The following ZNF557 variants were observed in gnomAD, a reference collection of about 807,000 sequenced individuals.
ZNF557 encodes CTB-25J19.9.
In ZNF557, 19 loss-of-function variants were observed where a neutral mutation model predicts 21.2. That is an observed-to-expected ratio of 0.90 (90% CI 0.63 to 1.32). The LOEUF (loss-of-function observed/expected upper bound fraction) is 1.32, where lower values mean the gene tolerates loss of function less well. ZNF557 is among the 40% of genes most tolerant of loss of function. The pLI, the probability that ZNF557 is intolerant of heterozygous loss-of-function variation, is 0.00. For missense variants in ZNF557, 487 were observed against 519.8 expected, an observed-to-expected ratio of 0.94 and a Z score of 0.61; for synonymous variants, 207 against 194.8, an observed-to-expected ratio of 1.06 and a Z score of -0.52.
chr19:7,078,606 A>AT (rs35573886), intron 5 of ZNF557, among the ~76,000 whole-genome samples: 1 of 151,832 alleles, frequency 6.6e-6, no homozygotes, highest in Non-Finnish European at 1.5e-5. Context: ...TAATTTTTGT[A>AT]TTTTTAGTAG....
chr19:7,074,949 G>C (rs1204847536), intron 2 of ZNF557, 47 bp from the exon 3 acceptor site: 2 of 1,519,202 alleles, frequency 1.3e-6, no homozygotes, highest in East Asian at 4.6e-5. Flanking sequence ...GCAGGGCACG[G>C]GCTGGAGGGG....
chr19:7,083,160 G>A lies in ZNF557; in HGVS notation c.709G>A (p.Glu237Lys), dbSNP rs371242209. 5.8e-5 allele frequency: 94 copies of A among 1,613,930 alleles called. No homozygotes were observed. Among genetic ancestry groups the A allele is most frequent in the Non-Finnish European group, 7.4e-5 (87 of 1,179,990 alleles). ...AATCCACAATGGGGAGAAACCCTAC[G>A]AATGCAGTGACTGTGGGAAAACCTT... The part of the protein sequence containing the change: ...KRIHNGEKPY[E>K]CSDCGKTFSN... The change falls in exon 8 of 8, where the codon GAA (glutamate) becomes AAA (lysine). Residue 237 changes from glutamate to lysine, a missense_variant. Physicochemically the swap from Glu to Lys is moderately conservative, Grantham distance 56. Transcript: ENST00000252840.
chr19:7,079,533 C>G (rs1977659805), intron 5 of ZNF557, among the ~76,000 whole-genome samples: 1 of 152,096 alleles, frequency 6.6e-6, no homozygotes, highest in South Asian at 2.1e-4. Flanking sequence ...AGCCACCGCG[C>G]CCGGCCCATT....
In ZNF557 at chr19:7,087,225, T is replaced by TG. The variant is rs1977878153; in HGVS notation, c.*3481_*3482insG. ...AGCTTTTTTTTTTTTTTTTTTTTTT[T>TG]TCTTCACTGTGGTGATAAAAACCAC... On this transcript the variant is annotated 3_prime_UTR_variant, in exon 8 of 8. Transcript: ENST00000252840. The TG allele has an allele frequency of 1.2e-5, 1 of 83,090 alleles. No individual in the cohort carries two copies. Among genetic ancestry groups the TG allele is most frequent in the Non-Finnish European group, 2.7e-5 (1 of 36,870 alleles). 5.1% of individuals were successfully genotyped at this position (83,090 alleles called of 1,614,324 possible).
Position 7,084,048 on chromosome 19 carries a change from T to G in ZNF557, c.*304T>G. On this transcript the variant is annotated 3_prime_UTR_variant, in exon 8 of 8. Coordinates refer to ENST00000252840, the MANE Select transcript of ZNF557 (RefSeq NM_024341.3). The stretch of plus-strand genomic sequence containing the variant: ...CCAAATGGCTTACAAGCCCGACAAG[T>G]GCATGCTAGCTGTTTCCAAGGGAGC... 3.3e-6 allele frequency: 1 copy of G among 305,626 alleles called. No individual in the cohort carries two copies. The highest frequency in any genetic ancestry group is 6.2e-6 in the Non-Finnish European group (1 of 162,582). The allele number at this position is 305,626 out of a possible 1,614,324, so 18.9% of individuals were successfully genotyped here. A position where few individuals can be genotyped will look rare whatever the true frequency, so the allele number is the denominator to read the frequency against.
chr19:7,071,988 C>T (rs1389646617), intron 2 of ZNF557, among the ~76,000 whole-genome samples: 2 of 150,616 alleles, frequency 1.3e-5, no homozygotes, highest in Non-Finnish European at 1.5e-5. Context: ...TGGTGGCAGG[C>T]GCCTGTAGTC....
intron 5 of ZNF557, among the ~76,000 whole-genome samples, chr19:7,079,052 T>C (rs1042881869): frequency 7.9e-5 from 12 of 152,196 alleles, no homozygotes; most frequent in African/African-American, 2.9e-4. Flanking sequence ...TGATTTTCTC[T>C]ATTTGGTGAG....
In ZNF557 at chr19:7,078,007, T is replaced by G. The variant is rs553994959; in HGVS notation, c.247+1500T>G. Among the ~76,000 whole-genome samples, 5 of 152,318 alleles carry G rather than the reference T, an allele frequency of 3.3e-5. No individual in the cohort carries two copies. In the South Asian group the frequency reaches 1.0e-3, roughly 32 times the overall value. On this transcript the variant is annotated intron_variant, in intron 5 of 7. Transcript: ENST00000252840. ...CATTTGGGGGGCATTGTTTGCCTTT[T>G]CGTTATTGAGTTGTAAGAGTTCTTT...
rs1977850642 is a variant in ZNF557 at position 7,086,471 on chromosome 19, C to G, written c.*2727C>G. On this transcript the variant is annotated 3_prime_UTR_variant, in exon 8 of 8. Coordinates refer to ENST00000252840, the MANE Select transcript of ZNF557 (RefSeq NM_024341.3). ...CTGCCTCCCAGATTCACGCCATCCT[C>G]CTGCCTCAGCCTCCCGAGTAGCTGG... is the stretch of plus-strand genomic sequence containing the variant. The G allele has an allele frequency of 6.7e-6, 1 of 148,892 alleles. No homozygotes were observed. Among genetic ancestry groups the G allele is most frequent in the South Asian group, 2.1e-4 (1 of 4,678 alleles). 9.2% of individuals were successfully genotyped at this position (148,892 alleles called of 1,614,324 possible). A position where few individuals can be genotyped will look rare whatever the true frequency, so the allele number is the denominator to read the frequency against.
In ZNF557 at chr19:7,083,699, CTCCT is replaced by C; in HGVS notation, c.1249_1252del (p.Ser417ThrfsTer24). 1 of 1,613,570 alleles carries C rather than the reference CTCCT, an allele frequency of 6.2e-7. No homozygotes were observed. Among genetic ancestry groups the C allele is most frequent in the Non-Finnish European group, 8.5e-7 (1 of 1,179,738 alleles). On this transcript the variant is annotated frameshift_variant, in exon 8 of 8. Coordinates refer to ENST00000252840, the MANE Select transcript of ZNF557 (RefSeq NM_024341.3). LOFTEE classifies it low-confidence loss of function (END_TRUNC). ...ATTGCGGGAAATCCTTCACAAGTAA[CTCCT>C]ACCTTTCTGTGCATACGAGAATGCA... is the stretch of plus-strand genomic sequence containing the variant.
intron 5 of ZNF557, among the ~76,000 whole-genome samples, 198 bp from the exon 6 acceptor site, chr19:7,081,155 GTGTGTGT>G (rs1568409351): frequency 1.1e-3 from 13 of 11,448 alleles, no homozygotes; most frequent in Non-Finnish European, 2.2e-3. Context: ...TGTGGGGTGT[GTGTGTGT>G]GTGTGTGTGT....
chr19:7,073,943 A>G (rs1290656128), intron 2 of ZNF557, among the ~76,000 whole-genome samples: 1 of 151,458 alleles, frequency 6.6e-6, no homozygotes, highest in Non-Finnish European at 1.5e-5. Flanking sequence ...ACAAGTCTCT[A>G]ACTGCAGACA....
At chr19:7,074,198 G>C (rs1977522729) in intron 2 of ZNF557, among the ~76,000 whole-genome samples, 1 of 151,714 alleles carries the variant, frequency 6.6e-6, no homozygotes, top group Non-Finnish European at 1.5e-5. Flanking sequence ...AGTAGAGATG[G>C]GGTTTCACCA....
chr19:7,076,083 C>T (rs1442891935), intron 4 of ZNF557, among the ~76,000 whole-genome samples: 2 of 152,156 alleles, frequency 1.3e-5, no homozygotes, highest in African/African-American at 4.8e-5. Flanking sequence ...TGTCACGGGC[C>T]CATGATCCCC....
chr19:7,075,513 G>GGATTGCTGTGGGTTGGTGTTTC lies in ZNF557; in HGVS notation c.32-142_32-141insGATTGCTGTGGGTTGGTGTTTC, dbSNP rs1977566826. On this transcript the variant is annotated intron_variant, in intron 3 of 7. Coordinates refer to ENST00000252840, the MANE Select transcript of ZNF557 (RefSeq NM_024341.3). ...CTTGGATTGCTGTGGGTTGGTGTTT[G>GGATTGCTGTGGGTTGGTGTTTC]CTTGGAGTAGAGGTGGATGCTTTGT... is the stretch of plus-strand genomic sequence containing the variant. 1.1e-5 allele frequency: 9 copies of GGATTGCTGTGGGTTGGTGTTTC among 785,456 alleles called. 2 individuals carry two copies. Among genetic ancestry groups the GGATTGCTGTGGGTTGGTGTTTC allele is most frequent in the Non-Finnish European group, 1.8e-5 (9 of 498,838 alleles). The allele number at this position is 785,456 out of a possible 1,614,324, so 48.7% of individuals were successfully genotyped here.
chr19:7,081,989 A>G lies in ZNF557; in HGVS notation c.363A>G (p.Lys121=). The G allele has an allele frequency of 6.2e-7, 1 of 1,613,934 alleles. No homozygotes were observed. Among genetic ancestry groups the G allele is most frequent in the South Asian group, 1.1e-5 (1 of 91,076 alleles). The change falls in exon 7 of 8, where the codon AAA becomes AAG. Residue 121 remains lysine, a synonymous_variant. Transcript: ENST00000252840. ...TTTCAGATGTGGAGAATCCATTTAA[A>G]GCCAAAGGGTTAACTCCTAAGCTGC... ...GTCPDVENPF[K]AKGLTPKLHV...
At chr19:7,071,479 G>A (rs1335512564) in intron 2 of ZNF557, among the ~76,000 whole-genome samples, 1 of 152,186 alleles carries the variant, frequency 6.6e-6, no homozygotes, top group Non-Finnish European at 1.5e-5. Context: ...AGAAAGCCCT[G>A]CTGGGCGGCA....
Position 7,083,581 on chromosome 19 carries a change from A to G in ZNF557, c.1130A>G (p.Glu377Gly), listed in dbSNP as rs1290396201. The change falls in exon 8 of 8, where the codon GAG (glutamate) becomes GGG (glycine). Residue 377 changes from glutamate (E) to glycine (G), a missense_variant. Coordinates refer to ENST00000252840, the MANE Select transcript of ZNF557 (RefSeq NM_024341.3). Reference sequence around the variant, plus strand: ...ATACATAATGGAGAGAAATCCTATGAGTGCAGTGATTGTGGAAAATCCTTT... The same window carrying G: ...ATACATAATGGAGAGAAATCCTATGGGTGCAGTGATTGTGGAAAATCCTTT... The part of the protein sequence containing the change: ...RRIHNGEKSY[E>G]CSDCGKSFNV... The G allele has an allele frequency of 6.2e-7, 1 of 1,613,962 alleles. No homozygotes were observed. Among genetic ancestry groups the G allele is most frequent in the East Asian group, 2.2e-5 (1 of 44,894 alleles).
chr19:7,080,309 G>A (rs1310751613), intron 5 of ZNF557, among the ~76,000 whole-genome samples: 1 of 152,038 alleles, frequency 6.6e-6, no homozygotes, highest in Non-Finnish European at 1.5e-5. Context: ...ATCTTGTGGG[G>A]GAAAAGAAGG....
Sources: gnomAD v4.1 joint callset for allele counts (sites outside exome capture counted in the v4.1 genomes callset) on GRCh38, gnomAD v4.1.1 for gene constraint, MANE v1.5 for transcripts, NCBI Gene and HGNC (gene_info 2026-07-23, HGNC 2026-07-21) for gene names.